CADM2: variants seen among roughly 807,000 people sequenced by gnomAD.
CADM2 encodes cell adhesion molecule 2, also known as immunoglobulin superfamily member 4D.
In CADM2, 12 loss-of-function variants were observed where a neutral mutation model predicts 49.8. The observed-to-expected ratio is 0.24, with a 90% CI of 0.15 to 0.39. The LOEUF (loss-of-function observed/expected upper bound fraction) is 0.39, where lower values mean the gene tolerates loss of function less well. Among genes scored for constraint, CADM2 ranks in the 10% least tolerant of loss-of-function variants. CADM2 has a pLI of 1.00. For missense variants in CADM2, 378 were observed against 492.3 expected (o/e 0.77, Z 2.20); for synonymous variants, 214 against 175.4 (o/e 1.22, Z -1.74).
intron 5 of CADM2, among the ~76,000 whole-genome samples, chr3:85,898,091 A>G (rs951283396): frequency 6.6e-6 from 1 of 152,190 alleles, no homozygotes; most frequent in Non-Finnish European, 1.5e-5. Context: ...GTGCGTGCAC[A>G]TAACTTGAAG....
intron 8 of CADM2, among the ~76,000 whole-genome samples, chr3:86,010,436 T>C (rs1315553152): frequency 6.6e-6 from 1 of 151,604 alleles, no homozygotes; most frequent in Admixed American, 6.6e-5. Flanking sequence ...ACTAATTTAA[T>C]AATCCTATAA....
chr3:85,761,367 CTTT>C (rs529447125), intron 2 of CADM2, among the ~76,000 whole-genome samples: 8 of 101,084 alleles, frequency 7.9e-5, no homozygotes, highest in Non-Finnish European at 1.4e-4. Flanking sequence ...CAACACAAAA[CTTT>C]TTTTTTTTTT....
At chr3:85,993,281 C>G (rs1729006362) in intron 8 of CADM2, 1 of 152,170 alleles carries the variant, frequency 6.6e-6, no homozygotes, top group South Asian at 2.1e-4. Context: ...TTTGCTCCAC[C>G]ATAAGAATCA....
intron 8 of CADM2, among the ~76,000 whole-genome samples, chr3:86,017,168 G>GTGTATATA (rs1260899564): frequency 7.1e-6 from 1 of 141,540 alleles, no homozygotes; most frequent in African/African-American, 2.6e-5. Context: ...GTGTGTGTGT[G>GTGTATATA]TATATATATA....
At chr3:85,304,877 T>C (rs1163267187) in intron 1 of CADM2, among the ~76,000 whole-genome samples, 1 of 151,778 alleles carries the variant, frequency 6.6e-6, no homozygotes, top group African/African-American at 2.4e-5. Flanking sequence ...CTTTTACTTA[T>C]GACTCTCTAT....
intron 1 of CADM2, among the ~76,000 whole-genome samples, chr3:85,198,241 T>C (rs981382210): frequency 6.6e-6 from 1 of 151,870 alleles, no homozygotes; most frequent in African/African-American, 2.4e-5. Flanking sequence ...CCCTAGCATT[T>C]CCATGTAAAC....
intron 8 of CADM2, among the ~76,000 whole-genome samples, chr3:86,032,979 T>C (rs1425654927): frequency 6.6e-6 from 1 of 151,882 alleles, no homozygotes; most frequent in Non-Finnish European, 1.5e-5. Context: ...ATAGCAACCT[T>C]TATCAATCTC....
chr3:85,858,124 A>G (rs1297572325), intron 3 of CADM2, among the ~76,000 whole-genome samples: 1 of 152,170 alleles, frequency 6.6e-6, no homozygotes, highest in African/African-American at 2.4e-5. Flanking sequence ...GCCTCACACA[A>G]TATCTCTGCC....
At chr3:85,168,295 T>C (rs1002396649) in intron 1 of CADM2, among the ~76,000 whole-genome samples, 5 of 152,130 alleles carry the variant, frequency 3.3e-5, no homozygotes, top group Non-Finnish European at 7.3e-5. Context: ...CTTCAAGTGA[T>C]CTGCCCACCT....
intron 1 of CADM2, among the ~76,000 whole-genome samples, chr3:85,057,250 T>C (rs1484698603): frequency 1.3e-5 from 2 of 151,974 alleles, no homozygotes; most frequent in Non-Finnish European, 2.9e-5. Flanking sequence ...TACATAAACA[T>C]CAGCAGAAAA....
intron 3 of CADM2, among the ~76,000 whole-genome samples, chr3:85,869,197 C>T (rs753729998): frequency 1.3e-5 from 2 of 152,146 alleles, no homozygotes; most frequent in Admixed American, 6.5e-5. Context: ...GCTCTACTAA[C>T]TTCTTAAAGC....
chr3:85,332,988 T>C (rs563442950), intron 1 of CADM2, among the ~76,000 whole-genome samples: 1 of 152,018 alleles, frequency 6.6e-6, no homozygotes, highest in South Asian at 2.1e-4. Flanking sequence ...AAATAAGTTT[T>C]GCTTCGTGTA....
chr3:85,088,357 A>G (rs979532773), intron 1 of CADM2, among the ~76,000 whole-genome samples: 4 of 152,146 alleles, frequency 2.6e-5, no homozygotes, highest in African/African-American at 9.7e-5. Flanking sequence ...AAAACTCTCT[A>G]TAAACATCCA....
At chr3:85,690,049 G>C (rs1234368325) in intron 1 of CADM2, among the ~76,000 whole-genome samples, 1 of 152,176 alleles carries the variant, frequency 6.6e-6, no homozygotes, top group African/African-American at 2.4e-5. Flanking sequence ...AATGATACAA[G>C]GAAATGCAGG....
At chr3:85,691,667 C>G (rs1250785182) in intron 1 of CADM2, among the ~76,000 whole-genome samples, 1 of 152,180 alleles carries the variant, frequency 6.6e-6, no homozygotes. Context: ...TATAAAGACA[C>G]ATGCACACGT....
chr3:85,879,472 T>A (rs1161799609), intron 3 of CADM2, among the ~76,000 whole-genome samples: 4 of 152,096 alleles, frequency 2.6e-5, no homozygotes, highest in Non-Finnish European at 5.9e-5. Context: ...TCACAATGAT[T>A]TAGAATTTTC....
At chr3:85,871,904 G>A (rs1320411714) in intron 3 of CADM2, among the ~76,000 whole-genome samples, 1 of 152,122 alleles carries the variant, frequency 6.6e-6, no homozygotes, top group Non-Finnish European at 1.5e-5. Flanking sequence ...TTTGCATGGT[G>A]GTGTGGCTAT....
chr3:85,742,241 G>A (rs2068421481), intron 2 of CADM2, among the ~76,000 whole-genome samples: 1 of 152,184 alleles, frequency 6.6e-6, no homozygotes, highest in Non-Finnish European at 1.5e-5. Context: ...CAGGTTGCAG[G>A]CATTGGCCTG....
At chr3:85,702,022 G>T (rs1048628953) in intron 1 of CADM2, among the ~76,000 whole-genome samples, 1 of 148,886 alleles carries the variant, frequency 6.7e-6, no homozygotes, top group Non-Finnish European at 1.5e-5. Context: ...ATAGATAGTT[G>T]ATAGATAGAT....
Sources: allele counts gnomAD v4.1 joint callset (sites outside exome capture counted in the v4.1 genomes callset), GRCh38; gene constraint gnomAD v4.1.1; transcripts MANE v1.5; gene names NCBI Gene and HGNC (gene_info 2026-07-23, HGNC 2026-07-21).